The following UNC5D variants were observed in gnomAD, a reference collection of about 807,000 sequenced individuals.
UNC5D encodes the protein unc-5 netrin receptor D.
UNC5D carries 39 observed loss-of-function variants against 105.4 expected under a neutral mutation model. The ratio of observed to expected loss-of-function variants is 0.37; its 90% CI spans 0.29 to 0.48. The LOEUF (loss-of-function observed/expected upper bound fraction) is 0.48, where lower values mean the gene tolerates loss of function less well. Ranked by LOEUF, UNC5D falls within the 20% of genes least tolerant of loss-of-function variation. UNC5D has a pLI of 0.98. For synonymous variants in UNC5D, 452 were observed against 450.4 expected (o/e 1.00, Z -0.04); for missense variants, 991 against 1,202.4 (o/e 0.82, Z 2.60).
intron 7 of UNC5D, among the ~76,000 whole-genome samples, chr8:35,705,049 T>G (rs544874487): frequency 1.3e-5 from 2 of 149,810 alleles, no homozygotes; most frequent in South Asian, 4.3e-4. Context: ...CTGCAGGCTC[T>G]GCCCCCTGGG....
At chr8:35,527,551 CT>C (rs1193210993) in intron 1 of UNC5D, among the ~76,000 whole-genome samples, 12 of 150,954 alleles carry the variant, frequency 7.9e-5, no homozygotes, top group Non-Finnish European at 7.4e-5. Context: ...CTCCTGTTTT[CT>C]TTTTTTTTCT....
At chr8:35,272,350 C>G (rs567003764) in intron 1 of UNC5D, among the ~76,000 whole-genome samples, 1 of 152,022 alleles carries the variant, frequency 6.6e-6, no homozygotes. Flanking sequence ...GACCAGCTTG[C>G]GGGAAGTTCA....
chr8:35,717,180 T>C (rs1170609363), intron 8 of UNC5D, among the ~76,000 whole-genome samples: 1 of 152,194 alleles, frequency 6.6e-6, no homozygotes, highest in East Asian at 1.9e-4. Context: ...CAATATCCAA[T>C]GGGAGATAAA....
intron 4 of UNC5D, among the ~76,000 whole-genome samples, chr8:35,677,282 A>T (rs1364537973): frequency 1.3e-5 from 2 of 152,196 alleles, no homozygotes; most frequent in African/African-American, 4.8e-5. Context: ...CTAAAAAGAC[A>T]GAAAATGCCA....
intron 1 of UNC5D, among the ~76,000 whole-genome samples, chr8:35,441,536 T>C (rs552416051): frequency 6.6e-6 from 1 of 151,936 alleles, no homozygotes; most frequent in South Asian, 2.1e-4. Context: ...CACTTCCTTT[T>C]CCTGGTGGTG....
At chr8:35,435,866 G>GA (rs1189529130) in intron 1 of UNC5D, among the ~76,000 whole-genome samples, 1 of 151,988 alleles carries the variant, frequency 6.6e-6, no homozygotes, top group Non-Finnish European at 1.5e-5. Context: ...CTGAGCTGCA[G>GA]AATACTGAGA....
chr8:35,393,966 T>C (rs1803940734), intron 1 of UNC5D, among the ~76,000 whole-genome samples: 1 of 152,194 alleles, frequency 6.6e-6, no homozygotes, highest in South Asian at 2.1e-4. Context: ...CTTCTTCCCT[T>C]TCTTCTCCTT....
intron 1 of UNC5D, among the ~76,000 whole-genome samples, chr8:35,384,152 G>A (rs560956363): frequency 7.3e-5 from 11 of 151,400 alleles, no homozygotes; most frequent in Admixed American, 3.3e-4. Flanking sequence ...CCTGTGAGGC[G>A]GAGTTGCAGT....
At chr8:35,726,764 G>T in intron 10 of UNC5D, 1 of 608,446 alleles carries the variant, frequency 1.6e-6, no homozygotes, top group Non-Finnish European at 2.8e-6. Context: ...CCCTGTTAGA[G>T]CTGATAACTA....
At chr8:35,529,050 T>A (rs1391761359) in intron 1 of UNC5D, among the ~76,000 whole-genome samples, 3 of 128,692 alleles carry the variant, frequency 2.3e-5, no homozygotes, top group African/African-American at 9.5e-5. Flanking sequence ...CTCTTTAGTT[T>A]AATTAGATCC....
intron 1 of UNC5D, among the ~76,000 whole-genome samples, chr8:35,523,305 A>G (rs1414579118): frequency 6.6e-6 from 1 of 152,018 alleles, no homozygotes; most frequent in East Asian, 1.9e-4. Flanking sequence ...CTGGTCTCGA[A>G]TTCCTGGACA....
chr8:35,245,999 C>T (rs747214294), intron 1 of UNC5D, among the ~76,000 whole-genome samples: 2 of 152,150 alleles, frequency 1.3e-5, no homozygotes, highest in Non-Finnish European at 2.9e-5. Context: ...CATCTAACCC[C>T]CTATGCTCGG....
chr8:35,760,583 C>T (rs527505013), intron 14 of UNC5D, among the ~76,000 whole-genome samples: 1 of 152,102 alleles, frequency 6.6e-6, no homozygotes, highest in African/African-American at 2.4e-5. Context: ...GCTAGCTAGC[C>T]TACCATAGTT....
intron 1 of UNC5D, among the ~76,000 whole-genome samples, chr8:35,534,455 G>C (rs376611787): frequency 1.8e-3 from 268 of 151,840 alleles, no homozygotes; most frequent in African/African-American, 6.2e-3. Flanking sequence ...CACTGTCACT[G>C]GTCTCCTGTT....
intron 4 of UNC5D, among the ~76,000 whole-genome samples, chr8:35,635,810 A>G (rs1454356976): frequency 1.3e-5 from 2 of 152,212 alleles, no homozygotes; most frequent in Non-Finnish European, 2.9e-5. Context: ...AAAAGGGAAA[A>G]GAGTTACGTG....
In UNC5D at chr8:35,405,306, A is replaced by G. The variant is rs145564951; in HGVS notation, c.104-143986A>G. The stretch of plus-strand genomic sequence containing the variant: ...AAATCAGGTGGTGTGTAATAAGATC[A>G]TATTGGTTCCCAAAGAAAATGAACC... On this transcript the variant is annotated intron_variant, in intron 1 of 16. Transcript: ENST00000404895. 3.9e-5 allele frequency among the ~76,000 whole-genome samples: 6 copies of G among 152,284 alleles called. No individual in the cohort carries two copies. In the East Asian group the frequency reaches 1.2e-3, roughly 29 times the overall value.
chr8:35,672,707 C>T (rs376438175), intron 4 of UNC5D, among the ~76,000 whole-genome samples: 17 of 152,282 alleles, frequency 1.1e-4, no homozygotes, highest in African/African-American at 3.6e-4. Flanking sequence ...TTCTTTTCCT[C>T]TGATCATCAT....
At chr8:35,504,179 T>G (rs564342957) in intron 1 of UNC5D, among the ~76,000 whole-genome samples, 1 of 152,176 alleles carries the variant, frequency 6.6e-6, no homozygotes, top group Non-Finnish European at 1.5e-5. Flanking sequence ...AAACCATTGA[T>G]GACTTCTCAC....
At chr8:35,539,451 A>G (rs1004357470) in intron 1 of UNC5D, among the ~76,000 whole-genome samples, 5 of 152,200 alleles carry the variant, frequency 3.3e-5, no homozygotes, top group Admixed American at 2.0e-4. Flanking sequence ...TCAATAGATA[A>G]TAACACAAAA....
Sources: allele counts gnomAD v4.1 joint callset (sites outside exome capture counted in the v4.1 genomes callset), GRCh38; gene constraint gnomAD v4.1.1; transcripts MANE v1.5; gene names NCBI Gene and HGNC (gene_info 2026-07-23, HGNC 2026-07-21).